The following NRG3 variants were observed in gnomAD, a reference collection of about 807,000 sequenced individuals.
NRG3 encodes neuregulin 3.
A neutral mutation model predicts 66.9 loss-of-function variants in NRG3; 31 were observed. The observed-to-expected ratio is 0.46, with a 90% CI of 0.35 to 0.63. The LOEUF is 0.63. Among genes scored for constraint, NRG3 ranks in the 20% least tolerant of loss-of-function variants. NRG3 has a pLI of 0.00. For synonymous variants in NRG3, 393 were observed against 359.4 expected (o/e 1.09, Z -1.06); for missense variants, 910 against 878.9 (o/e 1.04, Z -0.45).
chr10:82,413,410 T>G (rs1040253507), intron 2 of NRG3, among the ~76,000 whole-genome samples: 1 of 152,156 alleles, frequency 6.6e-6, no homozygotes, highest in African/African-American at 2.4e-5. Flanking sequence ...TAGTAAACCA[T>G]GCTGTAAACA....
At chr10:82,403,744 T>C (rs1479243432) in intron 2 of NRG3, among the ~76,000 whole-genome samples, 1 of 152,100 alleles carries the variant, frequency 6.6e-6, no homozygotes, top group Non-Finnish European at 1.5e-5. Flanking sequence ...TATTTAGAAA[T>C]AGAGGGACAA....
intron 1 of NRG3, among the ~76,000 whole-genome samples, chr10:81,912,030 A>C (rs1444286107): frequency 6.6e-6 from 1 of 152,160 alleles, no homozygotes; most frequent in African/African-American, 2.4e-5. Context: ...CTCCAAAATT[A>C]TACTCACCAG....
At chr10:82,682,712 A>T (rs554119602) in intron 2 of NRG3, among the ~76,000 whole-genome samples, 5 of 152,300 alleles carry the variant, frequency 3.3e-5, no homozygotes, top group East Asian at 1.9e-4. Flanking sequence ...TTTATTCACC[A>T]GTCCTTTGAT....
At chr10:82,261,194 G>A (rs142959794) in intron 1 of NRG3, among the ~76,000 whole-genome samples, 413 of 152,150 alleles carry the variant, frequency 2.7e-3, no homozygotes, top group African/African-American at 9.2e-3. Context: ...TGAATCATGG[G>A]GGTGGTTTCC....
chr10:82,196,154 T>C (rs1416726786), intron 1 of NRG3, among the ~76,000 whole-genome samples: 2 of 152,134 alleles, frequency 1.3e-5, no homozygotes, highest in Admixed American at 6.6e-5. Flanking sequence ...AGTGTATAAA[T>C]GGGTGACAAG....
At chr10:82,549,980 T>A (rs886608031) in intron 2 of NRG3, among the ~76,000 whole-genome samples, 19 of 152,078 alleles carry the variant, frequency 1.2e-4, no homozygotes, top group African/African-American at 4.6e-4. Context: ...AGGGGGTTGG[T>A]AAAAATAAGG....
intron 1 of NRG3, among the ~76,000 whole-genome samples, chr10:81,897,230 AG>A (rs1288659977): frequency 6.6e-6 from 1 of 152,178 alleles, no homozygotes. Context: ...GAGGTAGAAA[AG>A]GTCAGGCACA....
intron 4 of NRG3, among the ~76,000 whole-genome samples, chr10:82,904,848 T>C (rs1309993588): frequency 6.6e-6 from 1 of 152,154 alleles, no homozygotes; most frequent in Non-Finnish European, 1.5e-5. Flanking sequence ...AAAGTATTTC[T>C]GATACATACT....
At chr10:82,570,940 A>G (rs968344082) in intron 2 of NRG3, among the ~76,000 whole-genome samples, 8 of 151,676 alleles carry the variant, frequency 5.3e-5, no homozygotes, top group Non-Finnish European at 1.0e-4. Flanking sequence ...ATTTCAGAGT[A>G]CTCAACACAT....
chr10:82,333,452 G>A (rs1045835000), intron 1 of NRG3, among the ~76,000 whole-genome samples: 1 of 152,206 alleles, frequency 6.6e-6, no homozygotes, highest in Non-Finnish European at 1.5e-5. Context: ...AGAGATTAAA[G>A]AGTTACTGCT....
At chr10:82,106,817 T>A (rs894377809) in intron 1 of NRG3, among the ~76,000 whole-genome samples, 2 of 152,150 alleles carry the variant, frequency 1.3e-5, no homozygotes, top group African/African-American at 4.8e-5. Flanking sequence ...TAATTAGACA[T>A]TTTTTATCCA....
chr10:82,311,957 A>C (rs1237053508), intron 1 of NRG3, among the ~76,000 whole-genome samples: 1 of 152,330 alleles, frequency 6.6e-6, no homozygotes, highest in South Asian at 2.1e-4. Context: ...ATTACTTTGA[A>C]CAAATTATTC....
At chr10:82,340,110 A>T (rs2082603661) in intron 1 of NRG3, among the ~76,000 whole-genome samples, 1 of 152,180 alleles carries the variant, frequency 6.6e-6, no homozygotes, top group East Asian at 1.9e-4. Context: ...TGCAGACAAG[A>T]TACTAAGAAT....
At chr10:82,444,963 A>C (rs898768117) in intron 2 of NRG3, among the ~76,000 whole-genome samples, 2 of 152,228 alleles carry the variant, frequency 1.3e-5, no homozygotes, top group Non-Finnish European at 2.9e-5. Context: ...ATGCTATAAC[A>C]GGCTGATCAA....
intron 1 of NRG3, among the ~76,000 whole-genome samples, chr10:82,254,088 C>G (rs1435015264): frequency 1.3e-5 from 2 of 152,168 alleles, no homozygotes; most frequent in Non-Finnish European, 2.9e-5. Context: ...GTCATTCACT[C>G]TTCCAGTGCT....
At chr10:81,928,235 TGTC>T (rs1847000192) in intron 1 of NRG3, among the ~76,000 whole-genome samples, 1 of 152,204 alleles carries the variant, frequency 6.6e-6, no homozygotes, top group Admixed American at 6.5e-5. Context: ...CTAGAGCATT[TGTC>T]CTTAACCCCA....
intron 3 of NRG3, among the ~76,000 whole-genome samples, chr10:82,789,756 T>G (rs1043671482): frequency 6.6e-6 from 1 of 152,082 alleles, no homozygotes; most frequent in Non-Finnish European, 1.5e-5. Flanking sequence ...CTTTCTTTAC[T>G]CCCTATTCTT....
chr10:82,742,005 A>G (rs147664719), intron 3 of NRG3, among the ~76,000 whole-genome samples: 32 of 152,230 alleles, frequency 2.1e-4, no homozygotes, highest in Middle Eastern at 3.4e-3. Context: ...GCTGCTCATG[A>G]TATCTTCAGA....
At chr10:82,893,982 A>G (rs369061914) in intron 4 of NRG3, among the ~76,000 whole-genome samples, 1 of 152,260 alleles carries the variant, frequency 6.6e-6, no homozygotes, top group Admixed American at 6.5e-5. Context: ...ACCCTATAAC[A>G]AAACAAAACA....
Sources: gnomAD v4.1 joint callset for allele counts (sites outside exome capture counted in the v4.1 genomes callset) on GRCh38, gnomAD v4.1.1 for gene constraint, MANE v1.5 for transcripts, NCBI Gene and HGNC (gene_info 2026-07-23, HGNC 2026-07-21) for gene names.